Variants in EPHA6 observed in about 807,000 individuals in gnomAD.
The protein encoded by EPHA6 is ephrin type-A receptor 6.
EPHA6 carries 50 observed loss-of-function variants against 112.0 expected under a neutral mutation model. That is an observed-to-expected ratio of 0.45 (90% CI 0.36 to 0.56). EPHA6 has a LOEUF of 0.56. EPHA6 is among the 20% of genes least tolerant of loss of function. EPHA6 has a pLI of 0.00. For missense variants in EPHA6, 1,280 were observed against 1,417.4 expected (o/e 0.90, Z 1.56); for synonymous variants, 529 against 490.7 (o/e 1.08, Z -1.03).
intron 2 of EPHA6, among the ~76,000 whole-genome samples, chr3:96,922,227 T>G (rs1352375558): frequency 1.3e-5 from 2 of 152,178 alleles, no homozygotes; most frequent in East Asian, 3.9e-4. Flanking sequence ...GAGACAGCAT[T>G]CATTACAAAA....
At chr3:97,471,881 A>G (rs2107446664) in intron 7 of EPHA6, among the ~76,000 whole-genome samples, 1 of 151,854 alleles carries the variant, frequency 6.6e-6, no homozygotes, top group South Asian at 2.1e-4. Flanking sequence ...ACAATATATC[A>G]CAGCTCTGGA....
intron 13 of EPHA6, among the ~76,000 whole-genome samples, chr3:97,616,180 G>A (rs2093764493): frequency 6.6e-6 from 1 of 152,112 alleles, no homozygotes; most frequent in Admixed American, 6.6e-5. Context: ...GAAAATCCAA[G>A]GCAACCAGGC....
rs147415261 is a variant in EPHA6 at position 97,380,650 on chromosome 3, G to A, written c.1607-24500G>A. 8.0e-3 allele frequency among the ~76,000 whole-genome samples: 1,224 copies of A among 152,264 alleles called. 6 individuals carry two copies. The highest frequency in any genetic ancestry group is 0.017 in the Middle Eastern group (5 of 294). On this transcript the variant is annotated intron_variant, in intron 5 of 17. Transcript: ENST00000389672. ...GTACTTTCTGACACATTTCAGCTAT[G>A]ATGAGGTCAGATTTTAATACTCATA...
intron 14 of EPHA6, among the ~76,000 whole-genome samples, chr3:97,694,763 T>C (rs1304478415): frequency 6.6e-6 from 1 of 152,224 alleles, no homozygotes; most frequent in Non-Finnish European, 1.5e-5. Flanking sequence ...ATCAAACATT[T>C]ACTCAGGATT....
At chr3:96,857,122 C>A (rs1305323015) in intron 1 of EPHA6, among the ~76,000 whole-genome samples, 1 of 152,010 alleles carries the variant, frequency 6.6e-6, no homozygotes. Flanking sequence ...CTTATCAAAC[C>A]TACATTTGCT....
In EPHA6 at chr3:97,054,151, A is replaced by T. The variant is rs1319519275; in HGVS notation, c.1114+66158A>T. Among the ~76,000 whole-genome samples, 4 of 146,110 alleles carry T rather than the reference A, an allele frequency of 2.7e-5. No homozygotes were observed. In the East Asian group the frequency reaches 7.9e-4, roughly 29 times the overall value. On this transcript the variant is annotated intron_variant, in intron 3 of 17. Transcript: ENST00000389672. Reference sequence around the variant, plus strand: ...GTTACAAGGAAAGCAGCAGATTCTGACATAACTATCTAACACACACACACA... The same window carrying T: ...GTTACAAGGAAAGCAGCAGATTCTGTCATAACTATCTAACACACACACACA...
chr3:96,976,275 C>T (rs958272969), intron 2 of EPHA6, among the ~76,000 whole-genome samples: 2 of 152,014 alleles, frequency 1.3e-5, no homozygotes, highest in Non-Finnish European at 2.9e-5. Context: ...TTTTATAATT[C>T]TTTATTGTTC....
chr3:96,854,302 C>G (rs911671095), intron 1 of EPHA6, among the ~76,000 whole-genome samples: 1 of 151,352 alleles, frequency 6.6e-6, no homozygotes, highest in Admixed American at 6.6e-5. Flanking sequence ...GCCTCAGCCT[C>G]CCAAGTAGCT....
At chr3:96,960,750 T>C (rs920151967) in intron 2 of EPHA6, among the ~76,000 whole-genome samples, 2 of 152,216 alleles carry the variant, frequency 1.3e-5, no homozygotes. Flanking sequence ...TATACAGGTA[T>C]TTTTTAACTC....
chr3:97,501,851 T>C (rs1343803757), intron 10 of EPHA6, among the ~76,000 whole-genome samples: 1 of 151,948 alleles, frequency 6.6e-6, no homozygotes, highest in African/African-American at 2.4e-5. Context: ...AAACAGTAAA[T>C]GGTGGTCAAG....
chr3:97,059,810 A>G (rs940284572), intron 3 of EPHA6, among the ~76,000 whole-genome samples: 1 of 151,892 alleles, frequency 6.6e-6, no homozygotes. Flanking sequence ...TGTGTTGAGC[A>G]TATCCATAGT....
chr3:97,045,723 C>G (rs2045481805), intron 3 of EPHA6, among the ~76,000 whole-genome samples: 1 of 151,926 alleles, frequency 6.6e-6, no homozygotes, highest in Non-Finnish European at 1.5e-5. Context: ...AGACAACATA[C>G]TTTGTACGTT....
intron 3 of EPHA6, among the ~76,000 whole-genome samples, chr3:97,003,207 A>G (rs2043736737): frequency 6.6e-6 from 1 of 152,136 alleles, no homozygotes; most frequent in Non-Finnish European, 1.5e-5. Context: ...TCCTGGGTTC[A>G]AGAGATTCTG....
intron 11 of EPHA6, among the ~76,000 whole-genome samples, chr3:97,582,693 C>A (rs1360305229): frequency 6.6e-6 from 1 of 152,086 alleles, no homozygotes; most frequent in Non-Finnish European, 1.5e-5. Flanking sequence ...TGATTATCTA[C>A]AAAACCAATC....
intron 13 of EPHA6, among the ~76,000 whole-genome samples, chr3:97,631,670 G>T (rs568434377): frequency 2.6e-5 from 4 of 151,828 alleles, no homozygotes; most frequent in Admixed American, 6.6e-5. Context: ...TTTATTGTAG[G>T]TACCCATGAC....
At chr3:97,151,875 GTA>G (rs2076179513) in intron 3 of EPHA6, among the ~76,000 whole-genome samples, 2 of 151,776 alleles carry the variant, frequency 1.3e-5, no homozygotes, top group Non-Finnish European at 1.5e-5. Flanking sequence ...TCAGTATTAA[GTA>G]TGTATCGTAG....
At chr3:97,292,755 A>G (rs1360384679) in intron 5 of EPHA6, among the ~76,000 whole-genome samples, 1 of 151,984 alleles carries the variant, frequency 6.6e-6, no homozygotes, top group East Asian at 1.9e-4. Context: ...GTGAGCATCC[A>G]GCTCTCAGTG....
At chr3:97,743,598 T>G (rs907398836) in intron 16 of EPHA6, among the ~76,000 whole-genome samples, 6 of 152,110 alleles carry the variant, frequency 3.9e-5, no homozygotes, top group Non-Finnish European at 8.8e-5. Flanking sequence ...AAACATGGGA[T>G]ACATTCATGA....
intron 3 of EPHA6, among the ~76,000 whole-genome samples, chr3:97,000,027 A>G (rs772313464): frequency 6.6e-5 from 10 of 151,982 alleles, no homozygotes; most frequent in Admixed American, 2.0e-4. Flanking sequence ...AAATATTAGT[A>G]TATTGTTAAA....
Sources: allele counts gnomAD v4.1 joint callset (sites outside exome capture counted in the v4.1 genomes callset), GRCh38; gene constraint gnomAD v4.1.1; transcripts MANE v1.5; gene names NCBI Gene and HGNC (gene_info 2026-07-23, HGNC 2026-07-21).